The following PLCB1 variants were observed in gnomAD, a reference collection of about 807,000 sequenced individuals.
PLCB1 encodes phospholipase C beta 1, also known as 1-phosphatidylinositol 4,5-bisphosphate phosphodiesterase beta-1.
A neutral mutation model predicts 161.8 loss-of-function variants in PLCB1; 46 were observed. That is an observed-to-expected ratio of 0.28 (90% CI 0.22 to 0.36). The LOEUF is 0.36. Ranked by LOEUF, PLCB1 falls within the 10% of genes least tolerant of loss-of-function variation. The pLI, the probability that PLCB1 is intolerant of heterozygous loss-of-function variation, is 1.00. For missense variants in PLCB1, 1,016 were observed against 1,472.5 expected, an observed-to-expected ratio of 0.69 and a Z score of 5.07; for synonymous variants, 517 against 503.7, an observed-to-expected ratio of 1.03 and a Z score of -0.35.
At chr20:8,168,616 G>C (rs1394462799) in intron 2 of PLCB1, among the ~76,000 whole-genome samples, 1 of 152,148 alleles carries the variant, frequency 6.6e-6, no homozygotes, top group Non-Finnish European at 1.5e-5. Flanking sequence ...CAGACATATT[G>C]AGGAATGAGG....
intron 23 of PLCB1, among the ~76,000 whole-genome samples, chr20:8,743,866 T>C (rs1300344008): frequency 1.3e-5 from 2 of 152,190 alleles, no homozygotes; most frequent in Admixed American, 1.3e-4. Context: ...GAGTTTCTCA[T>C]TTTACTCATA....
chr20:8,437,395 T>C, intron 3 of PLCB1, among the ~76,000 whole-genome samples: 1 of 152,146 alleles, frequency 6.6e-6, no homozygotes, highest in East Asian at 1.9e-4. Context: ...ATCAATGGAG[T>C]AGAAGAGATT....
chr20:8,167,105 T>C (rs2051683801), intron 2 of PLCB1, among the ~76,000 whole-genome samples: 1 of 152,178 alleles, frequency 6.6e-6, no homozygotes, highest in Admixed American at 6.5e-5. Flanking sequence ...TTTCGAGATA[T>C]GGATACTTCA....
intron 23 of PLCB1, among the ~76,000 whole-genome samples, chr20:8,748,070 T>C (rs1173996227): frequency 6.6e-6 from 1 of 152,244 alleles, no homozygotes; most frequent in Non-Finnish European, 1.5e-5. Context: ...CTCCTTCAAA[T>C]CTTCCTCCTC....
In PLCB1 at chr20:8,547,158, C is replaced by T. The variant is rs115685070; in HGVS notation, c.247-81136C>T. 8.6e-3 allele frequency among the ~76,000 whole-genome samples: 1,256 copies of T among 146,708 alleles called. 21 individuals carry two copies. Among genetic ancestry groups the T allele is most frequent in the African/African-American group, 0.029 (1,160 of 40,494 alleles). On this transcript the variant is annotated intron_variant, in intron 3 of 31. Coordinates refer to ENST00000338037, the MANE Select transcript of PLCB1 (RefSeq NM_015192.4). ...TCATTTCCCCAAACTTGTAATAAAG[C>T]CAGCTCATTGTTTCTTCAGGCTACT...
At chr20:8,150,220 T>G in intron 1 of PLCB1, 74 bp from the exon 2 acceptor site, 2 of 648,578 alleles carry the variant, frequency 3.1e-6, no homozygotes, top group South Asian at 4.5e-5. Flanking sequence ...CAATTATTAC[T>G]TCTTAAATAA....
chr20:8,228,859 T>C (rs764382141), intron 2 of PLCB1, among the ~76,000 whole-genome samples: 8 of 152,116 alleles, frequency 5.3e-5, no homozygotes, highest in Non-Finnish European at 1.0e-4. Flanking sequence ...AATTAGCATA[T>C]CTATCACCTC....
chr20:8,534,232 G>T (rs1984951059), intron 3 of PLCB1, among the ~76,000 whole-genome samples: 1 of 152,110 alleles, frequency 6.6e-6, no homozygotes, highest in South Asian at 2.1e-4. Context: ...CCAGCAGCTG[G>T]GACTACAGGT....
rs183700832 is a variant in PLCB1 at position 8,238,887 on chromosome 20, C to T, written c.177+88516C>T. On this transcript the variant is annotated intron_variant, in intron 2 of 31. Coordinates refer to ENST00000338037, the MANE Select transcript of PLCB1 (RefSeq NM_015192.4). Reference sequence around the variant, plus strand: ...TGGCTGGGGGGAAGACATCAGACCCCGAGAAGCAGAAGCTAAGGCCTGGGG... The same window carrying T: ...TGGCTGGGGGGAAGACATCAGACCCTGAGAAGCAGAAGCTAAGGCCTGGGG... 1.9e-4 allele frequency among the ~76,000 whole-genome samples: 29 copies of T among 151,686 alleles called. No individual in the cohort carries two copies. In the East Asian group the frequency reaches 3.7e-3, roughly 19 times the overall value.
At chr20:8,693,744 A>G (rs1422407276) in intron 10 of PLCB1, among the ~76,000 whole-genome samples, 1 of 152,206 alleles carries the variant, frequency 6.6e-6, no homozygotes, top group Non-Finnish European at 1.5e-5. Flanking sequence ...AGGAATTGCT[A>G]TTTTTGATCT....
At chr20:8,501,152 A>G (rs575300090) in intron 3 of PLCB1, among the ~76,000 whole-genome samples, 1 of 152,344 alleles carries the variant, frequency 6.6e-6, no homozygotes, top group African/African-American at 2.4e-5. Context: ...GACAGAGGCT[A>G]TGTTCCATTC....
At chr20:8,666,043 T>C (rs2123347460) in intron 9 of PLCB1, among the ~76,000 whole-genome samples, 1 of 152,298 alleles carries the variant, frequency 6.6e-6, no homozygotes, top group Non-Finnish European at 1.5e-5. Flanking sequence ...ACAGCCAGGC[T>C]ACAATTCCCA....
At chr20:8,691,636 G>A (rs1990481429) in intron 10 of PLCB1, among the ~76,000 whole-genome samples, 1 of 152,044 alleles carries the variant, frequency 6.6e-6, no homozygotes, top group Non-Finnish European at 1.5e-5. Flanking sequence ...TCAATATTCA[G>A]GATATTTTCT....
At chr20:8,579,298 C>A (rs1030116690) in intron 3 of PLCB1, among the ~76,000 whole-genome samples, 10 of 152,218 alleles carry the variant, frequency 6.6e-5, no homozygotes, top group Non-Finnish European at 1.2e-4. Context: ...GGCTATCCGG[C>A]CAGAGGAGGA....
chr20:8,836,634 G>A (rs1986295581), intron 31 of PLCB1, among the ~76,000 whole-genome samples: 1 of 149,736 alleles, frequency 6.7e-6, no homozygotes, highest in East Asian at 2.1e-4. Flanking sequence ...AGTCCGTGGT[G>A]TACTCTGTCA....
chr20:8,816,608 G>A (rs146861718), intron 31 of PLCB1, among the ~76,000 whole-genome samples: 89 of 152,222 alleles, frequency 5.8e-4, no homozygotes, highest in African/African-American at 2.1e-3. Context: ...AACAAATTCT[G>A]TTCTTTCTAT....
In PLCB1 at chr20:8,243,417, A is replaced by G. The variant is rs116491280; in HGVS notation, c.177+93046A>G. Among the ~76,000 whole-genome samples the G allele has an allele frequency of 4.2e-3, 639 of 152,116 alleles. 4 individuals are homozygous for G. Among genetic ancestry groups the G allele is most frequent in the African/African-American group, 0.012 (500 of 41,558 alleles). On this transcript the variant is annotated intron_variant, in intron 2 of 31. Transcript: ENST00000338037. ...ATGCAGGCAACATAGGTCTGAAAGAATGGTTGTATTTTGGCCAAACCATGA... is the reference window on the plus strand; with the variant it reads ...ATGCAGGCAACATAGGTCTGAAAGAGTGGTTGTATTTTGGCCAAACCATGA...
chr20:8,193,190 A>T (rs2051987939), intron 2 of PLCB1, among the ~76,000 whole-genome samples: 1 of 152,012 alleles, frequency 6.6e-6, no homozygotes, highest in Non-Finnish European at 1.5e-5. Context: ...GTAAATCATT[A>T]CACTACCTAT....
At chr20:8,409,000 A>G (rs1304398069) in intron 3 of PLCB1, among the ~76,000 whole-genome samples, 2 of 152,210 alleles carry the variant, frequency 1.3e-5, no homozygotes, top group Non-Finnish European at 2.9e-5. Flanking sequence ...AGTATTTTAC[A>G]TGGTATTCAA....
Sources: allele counts gnomAD v4.1 joint callset (sites outside exome capture counted in the v4.1 genomes callset), GRCh38; gene constraint gnomAD v4.1.1; transcripts MANE v1.5; gene names NCBI Gene and HGNC (gene_info 2026-07-23, HGNC 2026-07-21).